Variants in PDE11A observed in about 807,000 individuals in gnomAD.
The protein encoded by PDE11A is dual 3',5'-cyclic-AMP and -GMP phosphodiesterase 11A.
A neutral mutation model predicts 100.5 loss-of-function variants in PDE11A; 100 were observed. The ratio of observed to expected loss-of-function variants is 1.00; its 90% confidence interval spans 0.85 to 1.18. The LOEUF (loss-of-function observed/expected upper bound fraction) is 1.18, where lower values mean the gene tolerates loss of function less well. PDE11A is among the 50% of genes most tolerant of loss of function. The pLI, the probability that PDE11A is intolerant of heterozygous loss-of-function variation, is 0.00. For missense variants in PDE11A, 1,141 were observed against 1,152.6 expected (o/e 0.99, Z 0.15); for synonymous variants, 381 against 420.8 (o/e 0.91, Z 1.16).
intron 9 of PDE11A, among the ~76,000 whole-genome samples, chr2:177,813,948 G>A (rs2082993304): frequency 1.6e-5 from 2 of 122,612 alleles, no homozygotes; most frequent in South Asian, 5.9e-4. Flanking sequence ...AAGCAAAAAT[G>A]AGACAACACA....
chr2:177,943,503 T>C (rs571855699), intron 2 of PDE11A, among the ~76,000 whole-genome samples: 65 of 152,364 alleles, frequency 4.3e-4, no homozygotes, highest in African/African-American at 1.5e-3. Flanking sequence ...TCTTTCCACA[T>C]ATGCTTCTTA....
intron 1 of PDE11A, among the ~76,000 whole-genome samples, chr2:178,070,280 T>TTA (rs1245812427): frequency 6.6e-6 from 1 of 152,196 alleles, no homozygotes; most frequent in African/African-American, 2.4e-5. Flanking sequence ...CATCCTTTAA[T>TTA]ATTAAAGTGT....
At chr2:177,647,550 G>T (rs2080240925) in intron 19 of PDE11A, among the ~76,000 whole-genome samples, 1 of 152,154 alleles carries the variant, frequency 6.6e-6, no homozygotes, top group Admixed American at 6.5e-5. Flanking sequence ...ACTGCTTAGT[G>T]TGCACCATGC....
intron 15 of PDE11A, among the ~76,000 whole-genome samples, chr2:177,694,692 G>A (rs1014282886): frequency 2.6e-5 from 4 of 152,112 alleles, no homozygotes; most frequent in African/African-American, 7.2e-5. Flanking sequence ...ATTTATCAAA[G>A]TAATACATGA....
intron 9 of PDE11A, among the ~76,000 whole-genome samples, chr2:177,802,029 C>G (rs2082802292): frequency 6.6e-6 from 1 of 151,898 alleles, no homozygotes; most frequent in Non-Finnish European, 1.5e-5. Context: ...AAAAGACAAG[C>G]AATCCTATTA....
At chr2:177,762,676 G>A (rs1034878977) in intron 10 of PDE11A, among the ~76,000 whole-genome samples, 4 of 152,208 alleles carry the variant, frequency 2.6e-5, no homozygotes, top group African/African-American at 4.8e-5. Context: ...GTGCTAACAT[G>A]GGGGAGGGAG....
chr2:177,724,796 G>A (rs1377842583), intron 12 of PDE11A, among the ~76,000 whole-genome samples: 2 of 148,722 alleles, frequency 1.3e-5, no homozygotes, highest in Admixed American at 1.3e-4. Flanking sequence ...TTTCAAGGAA[G>A]GTGGGTAAGG....
chr2:177,918,927 T>G (rs1046968886), intron 2 of PDE11A, among the ~76,000 whole-genome samples: 3 of 152,174 alleles, frequency 2.0e-5, no homozygotes, highest in Non-Finnish European at 4.4e-5. Flanking sequence ...ATTCCTATGC[T>G]ATTCAAACAA....
At chr2:177,736,157 G>A (rs2081777251) in intron 10 of PDE11A, among the ~76,000 whole-genome samples, 1 of 152,082 alleles carries the variant, frequency 6.6e-6, no homozygotes, top group Non-Finnish European at 1.5e-5. Context: ...AAGAACCAGG[G>A]AAAAAGAGAG....
intron 9 of PDE11A, among the ~76,000 whole-genome samples, chr2:177,770,465 G>A (rs79379800): frequency 2.0e-5 from 3 of 152,394 alleles, no homozygotes; most frequent in African/African-American, 7.2e-5. Flanking sequence ...CAGGCTCCCT[G>A]CAGCTGGGGT....
intron 2 of PDE11A, among the ~76,000 whole-genome samples, chr2:177,981,950 G>A (rs2085888610): frequency 1.3e-5 from 2 of 150,886 alleles, no homozygotes; most frequent in African/African-American, 2.4e-5. Flanking sequence ...TGACTCCTTT[G>A]CCATTCTATA....
intron 1 of PDE11A, among the ~76,000 whole-genome samples, chr2:178,067,887 G>T (rs2087069382): frequency 6.6e-6 from 1 of 152,160 alleles, no homozygotes; most frequent in South Asian, 2.1e-4. Flanking sequence ...CTTCTGAAAG[G>T]CAGGCGCACC....
Position 177,706,446 on chromosome 2 carries a change from T to C in PDE11A, c.2154-5235A>G, listed in dbSNP as rs147092194. Among the ~76,000 whole-genome samples the C allele has an allele frequency of 1.1e-3, 161 of 152,286 alleles. 1 individual carries two copies. The highest frequency in any genetic ancestry group is 3.5e-3 in the African/African-American group (144 of 41,552). On this transcript the variant is annotated intron_variant, in intron 13 of 19. Coordinates refer to ENST00000286063, the MANE Select transcript of PDE11A (RefSeq NM_016953.4). The stretch of plus-strand genomic sequence containing the variant: ...ATCTTGAATATAGAAAATACTCACT[T>C]ACTGGGAAATAAAAAACAAGAAAAG...
chr2:177,778,068 A>C (rs1486730942), intron 9 of PDE11A, among the ~76,000 whole-genome samples: 2 of 152,248 alleles, frequency 1.3e-5, no homozygotes, highest in Non-Finnish European at 2.9e-5. Context: ...AAAGCAGATA[A>C]GGCAATTATC....
At chr2:177,748,115 G>T (rs2081978510) in intron 10 of PDE11A, among the ~76,000 whole-genome samples, 1 of 152,174 alleles carries the variant, frequency 6.6e-6, no homozygotes, top group Admixed American at 6.5e-5. Flanking sequence ...AGGCATTTCA[G>T]ATAATAAGGG....
At chr2:177,993,255 G>A (rs1455142303) in intron 2 of PDE11A, among the ~76,000 whole-genome samples, 1 of 152,168 alleles carries the variant, frequency 6.6e-6, no homozygotes, top group Non-Finnish European at 1.5e-5. Context: ...TCAACTCTCA[G>A]CTGTGTGGTT....
chr2:177,966,658 A>G (rs1220097146), intron 2 of PDE11A, among the ~76,000 whole-genome samples: 2 of 152,196 alleles, frequency 1.3e-5, no homozygotes, highest in Non-Finnish European at 2.9e-5. Context: ...AATCACATTT[A>G]TTGATTTGCA....
chr2:177,819,890 C>CTCTG (rs2083108255), intron 7 of PDE11A, among the ~76,000 whole-genome samples: 1 of 138,786 alleles, frequency 7.2e-6, no homozygotes, highest in South Asian at 2.3e-4. Context: ...CTCTCTCTCT[C>CTCTG]TCTCTGTCTC....
At chr2:177,970,815 T>C (rs753893063) in intron 2 of PDE11A, among the ~76,000 whole-genome samples, 31 of 151,544 alleles carry the variant, frequency 2.0e-4, no homozygotes, top group Middle Eastern at 6.8e-3. Flanking sequence ...TCACGGGAGG[T>C]ACAACAGGGG....
Sources: gnomAD v4.1 joint callset for allele counts (sites outside exome capture counted in the v4.1 genomes callset) on GRCh38, gnomAD v4.1.1 for gene constraint, MANE v1.5 for transcripts, NCBI Gene and HGNC (gene_info 2026-07-23, HGNC 2026-07-21) for gene names.